The following UBL7 variants were observed in gnomAD, a reference collection of about 807,000 sequenced individuals.
UBL7 encodes the protein ubiquitin like 7, also known as ubiquitin-like protein 7.
In UBL7, 21 loss-of-function variants were observed where a neutral mutation model predicts 41.7. The ratio of observed to expected loss-of-function variants is 0.50; its 90% CI spans 0.36 to 0.73. The LOEUF (loss-of-function observed/expected upper bound fraction) is 0.73. Ranked by LOEUF, UBL7 falls within the 30% of genes least tolerant of loss-of-function variation. UBL7 has a pLI of 0.00. For missense variants in UBL7, 403 were observed against 478.4 expected, an observed-to-expected ratio of 0.84 and a Z score of 1.47; for synonymous variants, 157 against 186.9, an observed-to-expected ratio of 0.84 and a Z score of 1.31.
Position 74,449,993 on chromosome 15 carries a change from G to C in UBL7, c.607C>G (p.Pro203Ala). The C allele has an allele frequency of 6.2e-7, 1 of 1,613,586 alleles. No homozygotes were observed. Among genetic ancestry groups the C allele is most frequent in the Non-Finnish European group, 8.5e-7 (1 of 1,179,822 alleles). Residue 203 changes from proline to alanine, a missense_variant, in exon 7 of 11, where the codon CCT becomes GCT. Physicochemically the swap from Pro to Ala is conservative, Grantham distance 27. Transcript: ENST00000395081. Reference sequence around the variant, plus strand: ...CTCCGGGAAGAGGAGTCAGTCCCAGGCATTGGGGCACTGCCTGCTACGGAG... The same window carrying C: ...CTCCGGGAAGAGGAGTCAGTCCCAGCCATTGGGGCACTGCCTGCTACGGAG... ...LHSVAGSAPM[P>A]GTDSSSRSMP...
chr15:74,455,686 A>G (rs1336170151), intron 3 of UBL7, among the ~76,000 whole-genome samples: 1 of 152,196 alleles, frequency 6.6e-6, no homozygotes, highest in African/African-American at 2.4e-5. Flanking sequence ...CCATTAGGAA[A>G]CAGTGGATGA....
intron 1 of UBL7, among the ~76,000 whole-genome samples, chr15:74,459,826 G>A (rs943811175): frequency 6.7e-5 from 10 of 148,936 alleles, no homozygotes; most frequent in African/African-American, 1.5e-4. Context: ...TTAGCTGGGC[G>A]TGGTAGTGCG....
Position 74,446,232 on chromosome 15 carries a change from G to A in UBL7, c.1006-5C>T. On this transcript the variant is annotated splice_polypyrimidine_tract_variant and splice_region_variant and intron_variant, in intron 10 of 10. Coordinates refer to ENST00000395081, the MANE Select transcript of UBL7 (RefSeq NM_032907.5). This position sits in a 1 kb window ranked among gnomAD's most constrained non-coding sequence, Gnocchi z 4.1. ...CAGCTGGGGCTGCCACTGGCTCTGT[G>A]GAAAGATAGGAATGGGCAGAAGCTG... 3 of 1,613,736 alleles carry A rather than the reference G, an allele frequency of 1.9e-6. No homozygotes were observed. Among genetic ancestry groups the A allele is most frequent in the Non-Finnish European group, 2.5e-6 (3 of 1,179,846 alleles).
In UBL7 at chr15:74,450,056, G is replaced by A. The variant is rs753018932; in HGVS notation, c.544C>T (p.His182Tyr). Residue 182 changes from histidine to tyrosine, a missense_variant, in exon 7 of 11, where the codon CAC becomes TAC. By Grantham distance (83) the His-to-Tyr change is moderately conservative. Transcript: ENST00000395081. ...PNMLDTLVPA[H>Y]PALVNAIVLV... Reference sequence around the variant, plus strand: ...ACAATGGCATTGACGAGGGCTGGGTGAGCAGGCACCAACCTAGGATAGAAG... The same window carrying A: ...ACAATGGCATTGACGAGGGCTGGGTAAGCAGGCACCAACCTAGGATAGAAG... The A allele has an allele frequency of 1.1e-5, 18 of 1,613,214 alleles. No individual in the cohort carries two copies. Among genetic ancestry groups the A allele is most frequent in the Middle Eastern group, 1.6e-4 (1 of 6,080 alleles).
rs372795019 is a variant in UBL7, at chr15:74,448,436, A to T, written c.1005+42T>A. The T allele has an allele frequency of 1.9e-5, 31 of 1,609,962 alleles. No individual in the cohort carries two copies. In the African/African-American group the frequency reaches 4.0e-4, roughly 21 times the overall value. ...AAACAAAGGCTGGGCATCCAAAATAACAAGGAAGCCACATGGAAACCAAGA... is the reference window on the plus strand; with the variant it reads ...AAACAAAGGCTGGGCATCCAAAATATCAAGGAAGCCACATGGAAACCAAGA... On this transcript the variant is annotated intron_variant, in intron 10 of 10. Transcript: ENST00000395081.
chr15:74,450,709 G>T, intron 6 of UBL7, 93 bp downstream of exon 6: 2 of 1,373,838 alleles, frequency 1.5e-6, no homozygotes, highest in Non-Finnish European at 2.1e-6. Flanking sequence ...GACTATGGAT[G>T]GGCTCCCAGA....
rs114297993 is a variant in UBL7, at chr15:74,449,151, G to A, written c.882+35C>T. On this transcript the variant is annotated intron_variant, in intron 9 of 10. Coordinates refer to ENST00000395081, the MANE Select transcript of UBL7 (RefSeq NM_032907.5). ...CTGCTGGGGAGCTTGTTCCTTGGGG[G>A]CCCAGCCTTGATCTTCCCGGCCCCG... The A allele has an allele frequency of 4.7e-4, 710 of 1,514,492 alleles. 3 individuals are homozygous for A. In the African/African-American group the frequency reaches 9.1e-3, roughly 19 times the overall value. The allele number at this position is 1,514,492 out of a possible 1,614,324, so 93.8% of individuals were successfully genotyped here. A position where few individuals can be genotyped will look rare whatever the true frequency, so the allele number is the denominator to read the frequency against.
rs1300069098 is a variant in UBL7, at chr15:74,456,425, A to AT, written c.304+126dup. ...GTCTAATCCAATAAGTAATAAAGAT[A>AT]TCATTTATCATCAGCTCAGTAAATC... On this transcript the variant is annotated intron_variant, in intron 3 of 10. Transcript: ENST00000395081. 4.7e-5 allele frequency: 59 copies of AT among 1,259,082 alleles called. No homozygotes were observed. In the East Asian group the frequency reaches 1.3e-3, roughly 28 times the overall value. The allele number at this position is 1,259,082 out of a possible 1,614,324, so 78.0% of individuals were successfully genotyped here.
intron 10 of UBL7, among the ~76,000 whole-genome samples, chr15:74,447,401 C>T (rs569086606): frequency 6.6e-6 from 1 of 152,290 alleles, no homozygotes; most frequent in South Asian, 2.1e-4. Flanking sequence ...TGACCTTTCT[C>T]CTCCTTAAAG....
rs2061179230 is a variant in UBL7 at position 74,446,019 on chromosome 15, G to A, written c.*71C>T. 2 of 1,567,644 alleles carry A rather than the reference G, an allele frequency of 1.3e-6. No individual in the cohort carries two copies. The highest frequency in any genetic ancestry group is 2.3e-5 in the East Asian group (1 of 44,404). On this transcript the variant is annotated 3_prime_UTR_variant, in exon 11 of 11. Coordinates refer to ENST00000395081, the MANE Select transcript of UBL7 (RefSeq NM_032907.5). The surrounding 1 kb of genome is among the most constrained non-coding windows in gnomAD (Gnocchi z 4.1). ...TATATTGGGGAAGGGAGAGATGGAG[G>A]CACCTTCATGAGTGCCTCCCAAGGG...
chr15:74,449,034 A>T, intron 9 of UBL7, 152 bp downstream of exon 9: 1 of 923,362 alleles, frequency 1.1e-6, no homozygotes, highest in Non-Finnish European at 1.6e-6. Flanking sequence ...AGGGGAGGTC[A>T]CTCAAGCTGC....
At chr15:74,449,055 C>T in intron 9 of UBL7, 131 bp downstream of exon 9, 1 of 1,139,230 alleles carries the variant, frequency 8.8e-7, no homozygotes, top group East Asian at 2.6e-5. Context: ...AGTAAGAAAT[C>T]CCCACCAGGA....
chr15:74,446,986 G>A lies in UBL7; in HGVS notation c.1006-759C>T, dbSNP rs1246419539. On this transcript the variant is annotated intron_variant, in intron 10 of 10. Transcript: ENST00000395081. This position sits in a 1 kb window ranked among gnomAD's most constrained non-coding sequence, Gnocchi z 4.1. ...GAAGAAAAGCAAAGTCAAAGAGGCA[G>A]GCAGTGATGAGAACATGGAGGGCTT... 6.6e-6 allele frequency among the ~76,000 whole-genome samples: 1 copy of A among 152,154 alleles called. No individual in the cohort carries two copies. The highest frequency in any genetic ancestry group is 2.4e-5 in the African/African-American group (1 of 41,430).
Position 74,456,611 on chromosome 15 carries a change from T to G in UBL7, c.245A>C (p.Gln82Pro). 2 of 1,614,162 alleles carry G rather than the reference T, an allele frequency of 1.2e-6. No homozygotes were observed. The highest frequency in any genetic ancestry group is 1.6e-4 in the Middle Eastern group (1 of 6,062). Reference sequence around the variant, plus strand: ...CAGAACATGGACAGTGGACCCAGGTTGAATGCCATAGAAGTCAAGTGTCTG... The same window carrying G: ...CAGAACATGGACAGTGGACCCAGGTGGAATGCCATAGAAGTCAAGTGTCTG... ...DDQTLDFYGIQPGSTVHVLRK... is the reference protein window; with the variant it reads ...DDQTLDFYGIPPGSTVHVLRK... The change falls in exon 3 of 11, where the codon CAA (glutamine) becomes CCA (proline). Residue 82 changes from glutamine (Q) to proline (P), a missense_variant. Transcript: ENST00000395081.
chr15:74,448,697 T>C (rs2061209923), intron 9 of UBL7, 97 bp from the exon 10 acceptor site: 1 of 1,525,402 alleles, frequency 6.6e-7, no homozygotes, highest in Non-Finnish European at 8.9e-7. Flanking sequence ...ACTCCTGAGG[T>C]ACCCAACTTC....
chr15:74,456,281 G>A (rs2061293579), intron 3 of UBL7, among the ~76,000 whole-genome samples: 1 of 152,142 alleles, frequency 6.6e-6, no homozygotes, highest in Non-Finnish European at 1.5e-5. Context: ...TCCAGCCTGG[G>A]CAACAGAGTG....
chr15:74,452,194 T>C, intron 4 of UBL7, 102 bp downstream of exon 4: 1 of 1,259,230 alleles, frequency 7.9e-7, no homozygotes, highest in Admixed American at 2.2e-5. Context: ...GAACTCTTGG[T>C]TGCCATGGCA....
intron 3 of UBL7, 124 bp downstream of exon 3, chr15:74,456,428 A>C (rs1462657550): frequency 4.6e-6 from 6 of 1,296,716 alleles, no homozygotes; most frequent in African/African-American, 1.5e-5. Flanking sequence ...TAAAGATATC[A>C]TTTATCATCA....
intron 1 of UBL7, among the ~76,000 whole-genome samples, chr15:74,459,324 G>A (rs1306834541): frequency 8.9e-5 from 13 of 146,078 alleles, no homozygotes; most frequent in Non-Finnish European, 1.5e-4. Context: ...TTTTTGAGAC[G>A]GAGTCTCGCT....
Sources: gnomAD v4.1 joint callset for allele counts (sites outside exome capture counted in the v4.1 genomes callset) on GRCh38, gnomAD v4.1.1 for gene constraint, Gnocchi (gnomAD v3.1) non-coding constraint, MANE v1.5 for transcripts, NCBI Gene and HGNC (gene_info 2026-07-23, HGNC 2026-07-21) for gene names.